PCDH15: variants seen among roughly 807,000 people sequenced by gnomAD.
PCDH15 encodes protocadherin related 15, also known as protocadherin-15.
Under a neutral mutation model 178.5 loss-of-function variants are expected in PCDH15, and 129 were observed. The ratio of observed to expected loss-of-function variants is 0.72; its 90% CI spans 0.63 to 0.84. The LOEUF is 0.84. Ranked by LOEUF, PCDH15 falls within the 40% of genes least tolerant of loss-of-function variation. The pLI, the probability that PCDH15 is intolerant of heterozygous loss-of-function variation, is 0.00. For synonymous variants in PCDH15, 800 were observed against 732.0 expected (o/e 1.09, Z -1.50); for missense variants, 2,230 against 2,099.9 (o/e 1.06, Z -1.21).
chr10:53,821,578 A>G (rs1421850475), intron 32 of PCDH15: 2 of 1,150,058 alleles, frequency 1.7e-6, no homozygotes, highest in East Asian at 1.1e-4. Context: ...TCATGCCCAC[A>G]TATTCCCACT....
chr10:54,970,311 G>T (rs921099645), intron 2 of PCDH15, among the ~76,000 whole-genome samples: 1 of 152,162 alleles, frequency 6.6e-6, no homozygotes, highest in Non-Finnish European at 1.5e-5. Flanking sequence ...TTGGTACCAA[G>T]AAGTTAGGTA....
chr10:55,311,179 A>T (rs574330564), intron 1 of PCDH15, among the ~76,000 whole-genome samples: 1 of 152,346 alleles, frequency 6.6e-6, no homozygotes, highest in East Asian at 1.9e-4. Flanking sequence ...ATCAGATTTC[A>T]CAATATGTTC....
chr10:54,853,887 T>C (rs1404083049), intron 3 of PCDH15, among the ~76,000 whole-genome samples: 4 of 152,174 alleles, frequency 2.6e-5, no homozygotes, highest in Admixed American at 2.0e-4. Flanking sequence ...GGTGTTGTTT[T>C]TATGGCCAGA....
intron 25 of PCDH15, among the ~76,000 whole-genome samples, chr10:53,913,241 T>G (rs1033492736): frequency 1.6e-4 from 24 of 152,148 alleles, no homozygotes; most frequent in African/African-American, 5.3e-4. Flanking sequence ...TAGCCATATG[T>G]AGAAAGCTGA....
chr10:55,305,148 C>T (rs1843387636), intron 1 of PCDH15, among the ~76,000 whole-genome samples: 1 of 152,184 alleles, frequency 6.6e-6, no homozygotes, highest in African/African-American at 2.4e-5. Flanking sequence ...TATCCCTTTG[C>T]TCATTCAGTG....
intron 20 of PCDH15, among the ~76,000 whole-genome samples, chr10:54,014,908 G>C (rs573500915): frequency 6.6e-6 from 1 of 152,204 alleles, no homozygotes; most frequent in East Asian, 1.9e-4. Context: ...GTCCTGGCTA[G>C]AGCAATAAAG....
chr10:55,271,623 T>C (rs1453532401), intron 1 of PCDH15, among the ~76,000 whole-genome samples: 1 of 152,036 alleles, frequency 6.6e-6, no homozygotes, highest in Non-Finnish European at 1.5e-5. Flanking sequence ...AGGAAATAGA[T>C]TATTTTGAGT....
intron 2 of PCDH15, among the ~76,000 whole-genome samples, chr10:54,567,726 A>C (rs10740585): frequency 0.95 from 144,397 of 152,170 alleles, 68,648 homozygotes; most frequent in Middle Eastern, 0.98. Flanking sequence ...GATTTTTATA[A>C]TTTACCTATA....
intron 2 of PCDH15, chr10:54,575,430 A>G (rs948942903): frequency 6.6e-6 from 1 of 151,844 alleles, no homozygotes; most frequent in Non-Finnish European, 1.5e-5. Context: ...TAACTAAGAC[A>G]GAAAAAAATT....
In PCDH15 at chr10:53,840,368, G is replaced by A. The variant is rs1474829244; in HGVS notation, c.3935C>T (p.Ala1312Val). The A allele has an allele frequency of 1.2e-6, 2 of 1,614,076 alleles. No individual in the cohort carries two copies. Among genetic ancestry groups the A allele is most frequent in the Admixed American group, 1.7e-5 (1 of 60,022 alleles). Reference sequence around the variant, plus strand: ...GGCTCTGTTGGTTTGGGGGTCAATTGCATAGACAGTCAAGTCACATTTGGT... The same window carrying A: ...GGCTCTGTTGGTTTGGGGGTCAATTACATAGACAGTCAAGTCACATTTGGT... ...DYTKCDLTVYAIDPQTNRAID... is the reference protein window; with the variant it reads ...DYTKCDLTVYVIDPQTNRAID... Residue 1312 changes from alanine to valine, a missense_variant, in exon 29 of 38, where the codon GCA (alanine) becomes GTA (valine). Transcript: ENST00000644397.
At chr10:54,586,538 A>T (rs1333753712) in intron 2 of PCDH15, among the ~76,000 whole-genome samples, 3 of 152,210 alleles carry the variant, frequency 2.0e-5, no homozygotes, top group Non-Finnish European at 4.4e-5. Context: ...TTTATTATAG[A>T]TGAACTAAGG....
intron 21 of PCDH15, chr10:53,994,543 T>A (rs1457219294): frequency 6.6e-6 from 1 of 152,180 alleles, no homozygotes; most frequent in Admixed American, 6.5e-5. Flanking sequence ...TAATTGTACA[T>A]GTTACAATGT....
intron 35 of PCDH15, among the ~76,000 whole-genome samples, chr10:53,812,037 T>G (rs2075884698): frequency 6.6e-6 from 1 of 152,008 alleles, no homozygotes; most frequent in Non-Finnish European, 1.5e-5. Flanking sequence ...TCTACAGCAT[T>G]TTTTTTCATC....
intron 26 of PCDH15, among the ~76,000 whole-genome samples, chr10:53,879,687 A>G (rs1394378495): frequency 2.6e-5 from 4 of 152,158 alleles, no homozygotes; most frequent in Non-Finnish European, 5.9e-5. Context: ...CAAATTATAC[A>G]TGTGTTTTCT....
chr10:55,536,238 C>A (rs563381652), intron 2 of PCDH15, among the ~76,000 whole-genome samples: 1 of 152,062 alleles, frequency 6.6e-6, no homozygotes, highest in African/African-American at 2.4e-5. Flanking sequence ...AATTTTCTAA[C>A]GCTGTTTATT....
chr10:53,807,378 A>C (rs1171727560), intron 37 of PCDH15, among the ~76,000 whole-genome samples: 2 of 152,122 alleles, frequency 1.3e-5, no homozygotes, highest in African/African-American at 4.8e-5. Flanking sequence ...ATTTCAGGAA[A>C]CACATGTATT....
At chr10:53,872,943 G>A (rs1347136729) in intron 26 of PCDH15, among the ~76,000 whole-genome samples, 1 of 152,118 alleles carries the variant, frequency 6.6e-6, no homozygotes, top group Non-Finnish European at 1.5e-5. Context: ...CTCACTGAAG[G>A]TACTTATGCC....
At chr10:54,273,589 C>T (rs1446261321) in intron 8 of PCDH15, among the ~76,000 whole-genome samples, 2 of 151,862 alleles carry the variant, frequency 1.3e-5, no homozygotes, top group African/African-American at 4.8e-5. Flanking sequence ...AAAATAGAGA[C>T]ACTTAAAAAA....
intron 8 of PCDH15, among the ~76,000 whole-genome samples, chr10:54,239,418 T>C (rs1272924075): frequency 7.1e-6 from 1 of 140,922 alleles, no homozygotes; most frequent in East Asian, 1.9e-4. Flanking sequence ...TGATTAAATA[T>C]ATATATATAT....
Sources: allele counts gnomAD v4.1 joint callset (sites outside exome capture counted in the v4.1 genomes callset), GRCh38; gene constraint gnomAD v4.1.1; transcripts MANE v1.5; gene names NCBI Gene and HGNC (gene_info 2026-07-23, HGNC 2026-07-21).